Variants in STMN1 observed in about 807,000 individuals in gnomAD.
STMN1 encodes stathmin 1, also known as stathmin.
In STMN1, 3 loss-of-function variants were observed where a neutral mutation model predicts 19.7. The ratio of observed to expected loss-of-function variants is 0.15; its 90% CI spans 0.07 to 0.39. The LOEUF (loss-of-function observed/expected upper bound fraction) is 0.39, where lower values mean the gene tolerates loss of function less well. Ranked by LOEUF, STMN1 falls within the 10% of genes least tolerant of loss-of-function variation. The pLI is 1.00. For missense variants in STMN1, 99 were observed against 176.0 expected, an observed-to-expected ratio of 0.56 and a Z score of 2.48; for synonymous variants, 59 against 58.9, an observed-to-expected ratio of 1.00 and a Z score of -0.01.
chr1:25,897,370 A>G (rs889714476), downstream of STMN1, among the ~76,000 whole-genome samples: 1 of 152,148 alleles, frequency 6.6e-6, no homozygotes, highest in African/African-American at 2.4e-5. Flanking sequence ...TCCTAAATGA[A>G]CCACATTTAA....
chr1:25,891,315 G>T (rs1161359378), intron 4 of STMN1, among the ~76,000 whole-genome samples: 1 of 141,492 alleles, frequency 7.1e-6, no homozygotes, highest in Admixed American at 7.5e-5. Flanking sequence ...TGGGCAACAA[G>T]AGCAAAACTC....
At chr1:25,901,305 G>T in intron 4 of STMN1, 186 bp downstream of exon 4, 1 of 1,122,500 alleles carries the variant, frequency 8.9e-7, no homozygotes, top group Non-Finnish European at 1.2e-6. Context: ...GACTTCCAAG[G>T]ACTGTGCAAT....
At chr1:25,900,098 T>C, downstream of STMN1, 1 of 985,776 alleles carries the variant, frequency 1.0e-6, no homozygotes, top group South Asian at 4.7e-5. Context: ...AAGGTTCCCT[T>C]TAGTCATTTC....
At chr1:25,888,772 A>G (rs751905124) in intron 4 of STMN1, among the ~76,000 whole-genome samples, 1 of 152,168 alleles carries the variant, frequency 6.6e-6, no homozygotes, top group Non-Finnish European at 1.5e-5. Flanking sequence ...CCCAGCCATC[A>G]TGTGACTTTT....
intron 4 of STMN1, chr1:25,892,680 C>CCG (rs199734418): frequency 0.056 from 47,618 of 849,950 alleles, 1,585 homozygotes; most frequent in Non-Finnish European, 0.062. Context: ...CAAACGCCCC[C>CCG]GGGCCTCTCA....
At chr1:25,898,006 AGCCACCATG>A (rs2048834170), downstream of STMN1, among the ~76,000 whole-genome samples, 1 of 152,140 alleles carries the variant, frequency 6.6e-6, no homozygotes, top group Non-Finnish European at 1.5e-5. Context: ...CTGCCCCAAC[AGCCACCATG>A]GCCACCGTAG....
downstream of STMN1, among the ~76,000 whole-genome samples, chr1:25,895,789 G>C (rs945406810): frequency 3.3e-5 from 5 of 152,220 alleles, no homozygotes; most frequent in Non-Finnish European, 7.3e-5. Context: ...CAGTTTGTGC[G>C]TTCGGATCCA....
At position 25,900,837 on chromosome 1, in the gene STMN1, C is replaced by T. The variant is rs2048863594; in HGVS notation, c.*179G>A. On this transcript the variant is annotated 3_prime_UTR_variant, in exon 5 of 5. Transcript: ENST00000455785. ...CTTTAGAAAAAGAGTAAAACACTTT[C>T]AGTTTCTCCCCTTTAGCCCCTAAAA... is the stretch of plus-strand genomic sequence containing the variant. 3 of 1,392,398 alleles carry T rather than the reference C, an allele frequency of 2.2e-6. No homozygotes were observed. Among genetic ancestry groups the T allele is most frequent in the South Asian group, 1.8e-5 (1 of 54,220 alleles). 86.3% of individuals were successfully genotyped at this position (1,392,398 alleles called of 1,614,324 possible).
chr1:25,893,698 G>A (rs143007986), intron 4 of STMN1, among the ~76,000 whole-genome samples: 2,036 of 152,224 alleles, frequency 0.013, 45 homozygotes, highest in African/African-American at 0.047. Flanking sequence ...CCGCCATCAC[G>A]CCTGGCTAAT....
At chr1:25,887,858 TG>T (rs1467120836) in intron 4 of STMN1, among the ~76,000 whole-genome samples, 4 of 152,218 alleles carry the variant, frequency 2.6e-5, no homozygotes, top group African/African-American at 9.7e-5. Context: ...GGCTAATTTT[TG>T]TATTTTTAAT....
intron 4 of STMN1, among the ~76,000 whole-genome samples, chr1:25,893,000 A>G (rs2048789847): frequency 6.6e-6 from 1 of 152,230 alleles, no homozygotes; most frequent in Non-Finnish European, 1.5e-5. Flanking sequence ...TACTTCTGTA[A>G]AATTTTAAAA....
intron 3 of STMN1, 136 bp downstream of exon 3, chr1:25,903,505 G>C: frequency 1.7e-6 from 2 of 1,197,340 alleles, no homozygotes; most frequent in Non-Finnish European, 2.4e-6. Context: ...ATGAGGACTG[G>C]TATTTCCTTC....
chr1:25,889,083 C>T (rs558243346), intron 4 of STMN1: 3 of 489,350 alleles, frequency 6.1e-6, no homozygotes, highest in African/African-American at 2.0e-5. Context: ...AAGGAGACAT[C>T]GGAGGAGAAC....
chr1:25,887,693 GT>G (rs2048735387), intron 4 of STMN1: 1 of 204,172 alleles, frequency 4.9e-6, no homozygotes, highest in African/African-American at 2.4e-5. Flanking sequence ...TTTTTGTTTT[GT>G]TTTGTTTTTT....
intron 4 of STMN1, among the ~76,000 whole-genome samples, chr1:25,894,292 C>G (rs1432870900): frequency 6.6e-6 from 1 of 152,132 alleles, no homozygotes; most frequent in Non-Finnish European, 1.5e-5. Flanking sequence ...CCATCTCCAC[C>G]AGGCTGTTGG....
chr1:25,885,797 C>G (rs773031895), exon 5 of STMN1: 1 of 1,551,660 alleles, frequency 6.4e-7, no homozygotes, highest in South Asian at 1.2e-5. Context: ...AGGGCAGGAA[C>G]AGAGTGGAGA....
intron 4 of STMN1, 175 bp downstream of exon 4, chr1:25,901,316 T>C: frequency 8.9e-7 from 1 of 1,122,586 alleles, no homozygotes; most frequent in Non-Finnish European, 1.2e-6. Context: ...ACTGTGCAAT[T>C]ATGCTGGGAA....
At chr1:25,895,252 G>A (rs995074827), downstream of STMN1, among the ~76,000 whole-genome samples, 1 of 152,010 alleles carries the variant, frequency 6.6e-6, no homozygotes, top group East Asian at 1.9e-4. Flanking sequence ...ACAGGCACCC[G>A]CCACCACGCC....
In STMN1 at chr1:25,904,703, G is replaced by A. The variant is rs1281776832; in HGVS notation, c.-27C>T. 1.2e-6 allele frequency: 2 copies of A among 1,612,954 alleles called. No homozygotes were observed. The highest frequency in any genetic ancestry group is 1.7e-6 in the Non-Finnish European group (2 of 1,179,688). On this transcript the variant is annotated 5_prime_UTR_variant, in exon 2 of 5. Coordinates refer to ENST00000455785, the MANE Select transcript of STMN1 (RefSeq NM_005563.4). The stretch of plus-strand genomic sequence containing the variant: ...GTGAATAGAAGACAAGCGACAGGCA[G>A]TGTATTCTGCACAATCAACTGGGAT...
Sources: allele counts gnomAD v4.1 joint callset (sites outside exome capture counted in the v4.1 genomes callset), GRCh38; gene constraint gnomAD v4.1.1; transcripts MANE v1.5; gene names NCBI Gene and HGNC (gene_info 2026-07-23, HGNC 2026-07-21).